Variants in SPATA17 observed in about 807,000 individuals in gnomAD.
SPATA17 encodes the protein spermatogenesis associated 17.
SPATA17 carries 53 observed loss-of-function variants against 62.2 expected under a neutral mutation model. That is an observed-to-expected ratio of 0.85 (90% CI 0.68 to 1.07). The LOEUF (loss-of-function observed/expected upper bound fraction) is 1.07. Ranked by LOEUF, SPATA17 falls within the 50% of genes least tolerant of loss-of-function variation. The probability of loss-of-function intolerance (pLI) is 0.00; values close to 1 mark genes in which losing one functional copy is unlikely to be tolerated. For missense variants in SPATA17, 466 were observed against 425.5 expected, an observed-to-expected ratio of 1.10 and a Z score of -0.84; for synonymous variants, 146 against 146.8, an observed-to-expected ratio of 0.99 and a Z score of 0.04.
intron 9 of SPATA17, among the ~76,000 whole-genome samples, chr1:217,843,230 A>G (rs1675450255): frequency 6.6e-6 from 1 of 152,072 alleles, no homozygotes; most frequent in South Asian, 2.1e-4. Context: ...GTTTGCTAAT[A>G]TTGTTCATAT....
intron 8 of SPATA17, among the ~76,000 whole-genome samples, chr1:217,800,383 G>A (rs1355044945): frequency 6.6e-6 from 1 of 150,454 alleles, no homozygotes; most frequent in East Asian, 1.9e-4. Context: ...GCACTTAAGA[G>A]ACGAGCAGGG....
intron 5 of SPATA17, among the ~76,000 whole-genome samples, chr1:217,709,168 G>A (rs1052993889): frequency 1.3e-5 from 2 of 152,062 alleles, no homozygotes; most frequent in African/African-American, 4.8e-5. Flanking sequence ...GTTTTTCAGT[G>A]AAAATCACTG....
At chr1:217,673,965 A>G (rs1368348090) in intron 4 of SPATA17, among the ~76,000 whole-genome samples, 6 of 152,038 alleles carry the variant, frequency 3.9e-5, no homozygotes, top group Non-Finnish European at 8.8e-5. Context: ...TGATTGGCTG[A>G]CCCCATCCAG....
chr1:217,862,219 T>C (rs902094936), intron 9 of SPATA17, among the ~76,000 whole-genome samples: 4 of 152,184 alleles, frequency 2.6e-5, no homozygotes, highest in Non-Finnish European at 5.9e-5. Context: ...TCACCTGTTT[T>C]AACATACATG....
chr1:217,704,796 G>C (rs1399483787), intron 5 of SPATA17, among the ~76,000 whole-genome samples: 1 of 151,968 alleles, frequency 6.6e-6, no homozygotes, highest in African/African-American at 2.4e-5. Context: ...TCTTTATCCA[G>C]TATACCACTG....
chr1:217,771,701 G>T (rs960009211), intron 6 of SPATA17, among the ~76,000 whole-genome samples: 1 of 148,974 alleles, frequency 6.7e-6, no homozygotes, highest in African/African-American at 2.4e-5. Context: ...ATATATTTTC[G>T]ATCTATATTT....
At chr1:217,679,368 A>T (rs1002303538) in intron 4 of SPATA17, among the ~76,000 whole-genome samples, 1 of 152,160 alleles carries the variant, frequency 6.6e-6, no homozygotes, top group Non-Finnish European at 1.5e-5. Flanking sequence ...TAACATGGAG[A>T]TCATGCCCTA....
At chr1:217,751,854 A>G (rs542414645) in intron 6 of SPATA17, among the ~76,000 whole-genome samples, 6 of 152,290 alleles carry the variant, frequency 3.9e-5, no homozygotes, top group Admixed American at 2.0e-4. Context: ...TTTCCCTTAT[A>G]TATTTTTTCC....
intron 9 of SPATA17, among the ~76,000 whole-genome samples, chr1:217,849,731 G>A (rs1257235164): frequency 6.6e-6 from 1 of 152,056 alleles, no homozygotes; most frequent in East Asian, 1.9e-4. Context: ...TAAACTTCCT[G>A]AACCTGAGGG....
At chr1:217,793,786 G>A (rs1397376641) in intron 8 of SPATA17, among the ~76,000 whole-genome samples, 1 of 152,086 alleles carries the variant, frequency 6.6e-6, no homozygotes, top group Non-Finnish European at 1.5e-5. Flanking sequence ...TACAAGAAGT[G>A]AATGAACAGC....
chr1:217,654,515 A>G (rs1670393486), intron 3 of SPATA17, among the ~76,000 whole-genome samples: 1 of 152,188 alleles, frequency 6.6e-6, no homozygotes, highest in South Asian at 2.1e-4. Context: ...TCAGATTTAC[A>G]GAAAAGTTGC....
At chr1:217,696,404 G>A (rs1451455301) in intron 5 of SPATA17, among the ~76,000 whole-genome samples, 1 of 152,150 alleles carries the variant, frequency 6.6e-6, no homozygotes, top group Non-Finnish European at 1.5e-5. Flanking sequence ...GCACTCCCTA[G>A]TGAGATGAAC....
chr1:217,851,936 C>T (rs573599239), intron 9 of SPATA17, among the ~76,000 whole-genome samples: 3 of 152,240 alleles, frequency 2.0e-5, no homozygotes, highest in South Asian at 4.1e-4. Context: ...CTGACTGTTT[C>T]AGGAGTATTT....
chr1:217,645,426 A>C (rs1336150256), intron 1 of SPATA17, among the ~76,000 whole-genome samples: 2 of 152,132 alleles, frequency 1.3e-5, no homozygotes, highest in Non-Finnish European at 2.9e-5. Context: ...AGATGTGTCT[A>C]TGTGCCTTAC....
At chr1:217,760,051 T>C (rs1219488913) in intron 6 of SPATA17, among the ~76,000 whole-genome samples, 1 of 152,198 alleles carries the variant, frequency 6.6e-6, no homozygotes, top group African/African-American at 2.4e-5. Flanking sequence ...AACCCAATAG[T>C]ACACCCAAAA....
intron 10 of SPATA17, chr1:217,866,708 T>G (rs1288425478): frequency 6.6e-6 from 1 of 152,130 alleles, no homozygotes; most frequent in Non-Finnish European, 1.5e-5. Context: ...TCTGCAGTAG[T>G]GTAGACGGAG....
chr1:217,697,820 G>T (rs1671494997), intron 5 of SPATA17, among the ~76,000 whole-genome samples: 1 of 152,056 alleles, frequency 6.6e-6, no homozygotes, highest in Non-Finnish European at 1.5e-5. Flanking sequence ...TGATGCTAAG[G>T]TAATGGTTAA....
intron 6 of SPATA17, among the ~76,000 whole-genome samples, chr1:217,744,255 G>A (rs1197944769): frequency 2.1e-5 from 1 of 48,530 alleles, no homozygotes; most frequent in East Asian, 3.3e-4. Context: ...GAGGTCAAGA[G>A]ATCGAGACCA....
chr1:217,720,466 A>G (rs984115802), intron 5 of SPATA17, among the ~76,000 whole-genome samples: 1 of 152,072 alleles, frequency 6.6e-6, no homozygotes, highest in Admixed American at 6.6e-5. Flanking sequence ...TTTTTCTGAA[A>G]TATGCACAAA....
Sources: allele counts gnomAD v4.1 joint callset (sites outside exome capture counted in the v4.1 genomes callset), GRCh38; gene constraint gnomAD v4.1.1; transcripts MANE v1.5; gene names NCBI Gene and HGNC (gene_info 2026-07-23, HGNC 2026-07-21).